The following NOTCH2 variants were observed in gnomAD, a reference collection of about 807,000 sequenced individuals.
The protein encoded by NOTCH2 is neurogenic locus notch homolog protein 2.
Under a neutral mutation model 235.8 loss-of-function variants are expected in NOTCH2, and 29 were observed. That is an observed-to-expected ratio of 0.12 (90% CI 0.09 to 0.17). The LOEUF is 0.17. NOTCH2 is among the 10% of genes least tolerant of loss of function. The pLI is 1.00. For synonymous variants in NOTCH2, 1,086 were observed against 1,141.5 expected (o/e 0.95, Z 0.98); for missense variants, 2,285 against 3,150.2 (o/e 0.73, Z 6.57).
At position 119,912,479 on chromosome 1, in the gene NOTCH2, T is replaced by C. The variant is rs1648926115; in HGVS notation, c.*2827A>G. On this transcript the variant is annotated 3_prime_UTR_variant, in exon 34 of 34. Transcript: ENST00000256646. ...TTTGAGCATCACAGCCAATTGCTTATACTAAAATATTTTAATTCTCAGACT... is the reference window on the plus strand; with the variant it reads ...TTTGAGCATCACAGCCAATTGCTTACACTAAAATATTTTAATTCTCAGACT... 8.6e-6 allele frequency: 2 copies of C among 233,290 alleles called. No homozygotes were observed. Among genetic ancestry groups the C allele is most frequent in the South Asian group, 1.8e-4 (1 of 5,528 alleles). The allele number at this position is 233,290 out of a possible 1,614,324, so 14.5% of individuals were successfully genotyped here. A position where few individuals can be genotyped will look rare whatever the true frequency, so the allele number is the denominator to read the frequency against.
At chr1:119,951,599 C>G (rs1432120966) in intron 14 of NOTCH2, among the ~76,000 whole-genome samples, 1 of 152,202 alleles carries the variant, frequency 6.6e-6, no homozygotes, top group Non-Finnish European at 1.5e-5. Flanking sequence ...TGTGGTACTT[C>G]CTGAAGTTAC....
intron 2 of NOTCH2, among the ~76,000 whole-genome samples, chr1:120,011,099 C>T (rs1653173264): frequency 6.6e-6 from 1 of 152,040 alleles, no homozygotes; most frequent in Non-Finnish European, 1.5e-5. Flanking sequence ...ATTAGTGTTG[C>T]CAGGAGCTGT....
chr1:120,005,240 T>C (rs1331820051), intron 3 of NOTCH2, 89 bp downstream of exon 3: 3 of 1,540,020 alleles, frequency 1.9e-6, no homozygotes, highest in Admixed American at 1.7e-5. Context: ...CTGGGGGACA[T>C]TTAAGAGCCA....
At chr1:119,921,924 T>G (rs1467413514) in intron 28 of NOTCH2, 115 bp from the exon 29 acceptor site, 1 of 920,392 alleles carries the variant, frequency 1.1e-6, no homozygotes, top group Admixed American at 2.0e-5. Context: ...TTGCAGGGTC[T>G]TGGCCCAGAG....
rs372795716 is a variant in NOTCH2 at position 119,937,352 on chromosome 1, T to C, written c.3452A>G (p.Asp1151Gly). The C allele has an allele frequency of 2.5e-6, 4 of 1,613,996 alleles. No individual in the cohort carries two copies. Among genetic ancestry groups the C allele is most frequent in the African/African-American group, 1.3e-5 (1 of 74,924 alleles). ...CTGGCAGGGGTTGGACGCACACTCA[T>C]CGAGTTGCTCCTCACAGTAGCTCCC... ...YTGSYCEEQL[D>G]ECASNPCQHG... The change falls in exon 21 of 34, where the codon GAT (aspartate) becomes GGT (glycine). Residue 1151 changes from aspartate to glycine, a missense_variant. By Grantham distance (94) the Asp-to-Gly change is moderately conservative. This residue lies in a region of NOTCH2 where 1,173 missense variants were observed against 1,515.3 expected (regional missense o/e 0.77). Coordinates refer to ENST00000256646, the MANE Select transcript of NOTCH2 (RefSeq NM_024408.4).
At chr1:120,057,122 T>C (rs1242490839) in intron 1 of NOTCH2, among the ~76,000 whole-genome samples, 60 of 137,372 alleles carry the variant, frequency 4.4e-4, no homozygotes. Flanking sequence ...CACTTTTGAT[T>C]AAAGAAAAGT....
intron 5 of NOTCH2, among the ~76,000 whole-genome samples, chr1:119,972,985 T>C (rs919698277): frequency 9.9e-5 from 15 of 152,198 alleles, no homozygotes; most frequent in African/African-American, 3.6e-4. Flanking sequence ...TGCAAACTCC[T>C]GTCTAAAAGG....
chr1:119,949,233 A>T, intron 15 of NOTCH2, 107 bp from the exon 16 acceptor site: 1 of 1,183,458 alleles, frequency 8.4e-7, no homozygotes, highest in South Asian at 1.2e-5. Flanking sequence ...CCTGATTAAG[A>T]GGCTTTGAAA....
rs1203759370 is a variant in NOTCH2 at position 119,959,254 on chromosome 1, G to A, written c.2026+138C>T. The A allele has an allele frequency of 5.9e-6, 4 of 678,152 alleles. No individual in the cohort carries two copies. In the African/African-American group the frequency reaches 7.2e-5, roughly 12 times the overall value. 42.0% of individuals were successfully genotyped at this position (678,152 alleles called of 1,614,324 possible). On this transcript the variant is annotated intron_variant, in intron 12 of 33. Transcript: ENST00000256646. ...GGTCTGTGAACAGAAAACTGATCTA[G>A]AGAAGCAGAGAAACAGACTACTAAC...
In NOTCH2 at chr1:119,914,257, G is replaced by A. The variant is rs141326588; in HGVS notation, c.*1049C>T. 1 of 233,280 alleles carries A rather than the reference G, an allele frequency of 4.3e-6. No individual in the cohort carries two copies. Among genetic ancestry groups the A allele is most frequent in the African/African-American group, 2.2e-5 (1 of 45,462 alleles). 14.5% of individuals were successfully genotyped at this position (233,280 alleles called of 1,614,324 possible). A position where few individuals can be genotyped will look rare whatever the true frequency, so the allele number is the denominator to read the frequency against. The stretch of plus-strand genomic sequence containing the variant: ...ATCTGGGACAAATGTGTTCCATACA[G>A]GCAGTCAATGGAATGCTTGGCAGGA... On this transcript the variant is annotated 3_prime_UTR_variant, in exon 34 of 34. Coordinates refer to ENST00000256646, the MANE Select transcript of NOTCH2 (RefSeq NM_024408.4).
intron 20 of NOTCH2, 34 bp downstream of exon 20, chr1:119,937,823 G>A: frequency 1.2e-6 from 2 of 1,612,964 alleles, no homozygotes; most frequent in Non-Finnish European, 8.5e-7. Flanking sequence ...CAATACTGCA[G>A]TGAATGACCT....
chr1:119,970,215 T>A (rs1325620877), intron 5 of NOTCH2, among the ~76,000 whole-genome samples: 2 of 152,198 alleles, frequency 1.3e-5, no homozygotes, highest in Non-Finnish European at 2.9e-5. Context: ...TTCCATAAGA[T>A]GATGTTACCA....
At chr1:119,976,437 G>C (rs1651583319) in intron 5 of NOTCH2, 2 of 151,092 alleles carry the variant, frequency 1.3e-5, no homozygotes, top group Non-Finnish European at 2.9e-5. Context: ...TGCCTACTGA[G>C]AGGATGGTCT....
At chr1:119,966,576 A>C (rs1237097101) in intron 8 of NOTCH2, 87 bp from the exon 9 acceptor site, 1 of 879,086 alleles carries the variant, frequency 1.1e-6, no homozygotes, top group Non-Finnish European at 2.0e-6. Flanking sequence ...TGATAACTAC[A>C]TCCTTTGCGA....
intron 1 of NOTCH2, among the ~76,000 whole-genome samples, chr1:120,039,308 G>C (rs1553212364): frequency 6.6e-6 from 1 of 151,756 alleles, no homozygotes; most frequent in African/African-American, 2.4e-5. Context: ...CTTATATCTT[G>C]TATTATCTGT....
In NOTCH2 at chr1:119,939,054, G is replaced by C. The variant is rs189422156; in HGVS notation, c.3184-1044C>G. 4.1e-4 allele frequency among the ~76,000 whole-genome samples: 63 copies of C among 152,234 alleles called. 1 individual carries two copies. The highest frequency in any genetic ancestry group is 1.5e-3 in the African/African-American group (61 of 41,550). On this transcript the variant is annotated intron_variant, in intron 19 of 33. Transcript: ENST00000256646. ...GCCAGAGCCTATTCTGGCACAATGG[G>C]ACAATGTAGACATGTCCACTTCACC...
In NOTCH2 at chr1:119,920,024, T is replaced by C. The variant is rs1649217497; in HGVS notation, c.5479+205A>G. ...CAGCCTGTTTAGTCTCAACACACTG[T>C]ACATGAAGCAATGTGAAATCCTTCC... On this transcript the variant is annotated intron_variant, in intron 30 of 33. Coordinates refer to ENST00000256646, the MANE Select transcript of NOTCH2 (RefSeq NM_024408.4). Among the ~76,000 whole-genome samples, 3 of 152,266 alleles carry C rather than the reference T, an allele frequency of 2.0e-5. No homozygotes were observed. In the South Asian group the frequency reaches 6.2e-4, roughly 31 times the overall value.
Position 120,005,408 on chromosome 1 carries a change from A to C in NOTCH2, c.336T>G (p.Ser112=), listed in dbSNP as rs782721421. ...ATGTGCCGCCATTCAGGCAGGGTCG[A>C]GACACAAAGCATGGATGAGATGTTG... is the stretch of plus-strand genomic sequence containing the variant. ...QYSTSHPCFV[S]RPCLNGGTCH... is the part of the protein sequence containing the mutation. The change falls in exon 3 of 34, where the codon TCT becomes TCG. Residue 112 remains serine (S), a synonymous_variant. Coordinates refer to ENST00000256646, the MANE Select transcript of NOTCH2 (RefSeq NM_024408.4). The C allele has an allele frequency of 6.2e-7, 1 of 1,614,046 alleles. No individual in the cohort carries two copies. Among genetic ancestry groups the C allele is most frequent in the Non-Finnish European group, 8.5e-7 (1 of 1,179,878 alleles).
At chr1:120,046,375 C>G (rs1553213628) in intron 1 of NOTCH2, among the ~76,000 whole-genome samples, 1 of 14,786 alleles carries the variant, frequency 6.8e-5, no homozygotes, top group African/African-American at 4.0e-4. Flanking sequence ...TTCTAGCCAT[C>G]TGACCAAGGG....
Sources: allele counts gnomAD v4.1 joint callset (sites outside exome capture counted in the v4.1 genomes callset), GRCh38; gene constraint gnomAD v4.1.1; regional missense constraint gnomAD v4.1.1; transcripts MANE v1.5; gene names NCBI Gene and HGNC (gene_info 2026-07-23, HGNC 2026-07-21).